Variants in TENM2 observed in about 807,000 individuals in gnomAD.
The protein encoded by TENM2 is teneurin transmembrane protein 2.
A neutral mutation model predicts 245.2 loss-of-function variants in TENM2; 52 were observed. The observed-to-expected ratio is 0.21, with a 90% CI of 0.17 to 0.27. The LOEUF (loss-of-function observed/expected upper bound fraction) is 0.27. Ranked by LOEUF, TENM2 falls within the 10% of genes least tolerant of loss-of-function variation. The pLI, the probability that TENM2 is intolerant of heterozygous loss-of-function variation, is 1.00. For missense variants in TENM2, 3,046 were observed against 3,666.8 expected (o/e 0.83, Z 4.37); for synonymous variants, 1,363 against 1,438.9 (o/e 0.95, Z 1.19).
At chr5:167,219,909 A>G in the TENM2 span, among the ~76,000 whole-genome samples, 4 of 152,238 alleles carry the variant, frequency 2.6e-5, no homozygotes, top group Non-Finnish European at 5.9e-5. Context: ...AAGACTTTCA[A>G]TAATATTTAA....
At chr5:168,128,464 C>A (rs1796012129) in intron 12 of TENM2, among the ~76,000 whole-genome samples, 2 of 152,234 alleles carry the variant, frequency 1.3e-5, no homozygotes, top group South Asian at 4.1e-4. Context: ...TCTTGCCAAT[C>A]ATCAGCGTTG....
At chr5:167,897,890 GTTT>G (rs35680049) in intron 3 of TENM2, among the ~76,000 whole-genome samples, 18 of 89,248 alleles carry the variant, frequency 2.0e-4, no homozygotes, top group Admixed American at 5.3e-4. Flanking sequence ...GTAGTAAATT[GTTT>G]TTTTTTTTTT....
At chr5:167,714,031 A>C (rs1759088127) in intron 2 of TENM2, among the ~76,000 whole-genome samples, 1 of 152,144 alleles carries the variant, frequency 6.6e-6, no homozygotes, top group South Asian at 2.1e-4. Flanking sequence ...ACATCAAATC[A>C]CTGAAGCTTA....
intron 3 of TENM2, among the ~76,000 whole-genome samples, chr5:167,899,548 A>G (rs1211630888): frequency 6.6e-6 from 1 of 152,254 alleles, no homozygotes; most frequent in African/African-American, 2.4e-5. Context: ...ATGAGGTAAC[A>G]GAGATTTTAG....
At chr5:167,988,841 G>A (rs922029080) in intron 4 of TENM2, among the ~76,000 whole-genome samples, 5 of 152,210 alleles carry the variant, frequency 3.3e-5, no homozygotes, top group Non-Finnish European at 5.9e-5. Context: ...AGAAGAAAGT[G>A]TAGAAAATGG....
chr5:167,340,611 G>A (rs921263976), intron 1 of TENM2, among the ~76,000 whole-genome samples: 1 of 152,082 alleles, frequency 6.6e-6, no homozygotes, highest in Admixed American at 6.5e-5. Flanking sequence ...TTAAAGGCCC[G>A]CTCTCCAATA....
chr5:167,847,960 G>A, intron 2 of TENM2, among the ~76,000 whole-genome samples: 1 of 152,082 alleles, frequency 6.6e-6, no homozygotes, highest in Non-Finnish European at 1.5e-5. Context: ...TTAGATTTCA[G>A]TTTGGGTAAT....
intron 17 of TENM2, 74 bp downstream of exon 19, chr5:168,200,205 T>A: frequency 7.3e-7 from 1 of 1,375,198 alleles, no homozygotes; most frequent in Non-Finnish European, 1.0e-6. Flanking sequence ...TTTATTGAGT[T>A]CCGAGGATAT....
At position 167,396,142 on chromosome 5, in the gene TENM2, A is replaced by C. The variant is rs568521318; in HGVS notation, c.502+20669A>C. ...CAAAAGAATTAAAATCAGAATCTCAAAGGGATAGATGCACCCCCAAAGTCA... is the reference window on the plus strand; with the variant it reads ...CAAAAGAATTAAAATCAGAATCTCACAGGGATAGATGCACCCCCAAAGTCA... On this transcript the variant is annotated intron_variant, in intron 2 of 28. Transcript: ENST00000518659. Among the ~76,000 whole-genome samples the C allele has an allele frequency of 5.9e-5, 9 of 152,288 alleles. No individual in the cohort carries two copies. The East Asian group carries it at 1.7e-3, about 29-fold the overall frequency.
At chr5:166,992,211 A>G in the TENM2 span, among the ~76,000 whole-genome samples, 42 of 152,194 alleles carry the variant, frequency 2.8e-4, no homozygotes, top group Non-Finnish European at 5.6e-4. Context: ...AGAGACCATA[A>G]GAAGGAATAT....
chr5:167,160,293 G>A, the TENM2 span, among the ~76,000 whole-genome samples: 13 of 152,206 alleles, frequency 8.5e-5, no homozygotes, highest in Non-Finnish European at 8.8e-5. Flanking sequence ...ACTCCTTTGC[G>A]TGGATTCTGG....
chr5:168,198,640 G>A (rs894484357), intron 15 of TENM2, among the ~76,000 whole-genome samples: 1 of 152,200 alleles, frequency 6.6e-6, no homozygotes, highest in African/African-American at 2.4e-5. Flanking sequence ...TACAGATGAA[G>A]AAACTTGGGC....
At chr5:167,643,113 G>A (rs1309210834) in intron 2 of TENM2, among the ~76,000 whole-genome samples, 1 of 152,162 alleles carries the variant, frequency 6.6e-6, no homozygotes, top group Non-Finnish European at 1.5e-5. Context: ...CAGTTTTATA[G>A]AGGTATATTT....
At chr5:167,706,732 C>T (rs576403086) in intron 2 of TENM2, among the ~76,000 whole-genome samples, 22 of 151,866 alleles carry the variant, frequency 1.4e-4, no homozygotes, top group Non-Finnish European at 2.5e-4. Flanking sequence ...AAGGGTTGCC[C>T]GGCCGGGCGC....
At chr5:167,451,423 T>A (rs1288385149) in intron 2 of TENM2, among the ~76,000 whole-genome samples, 1 of 152,214 alleles carries the variant, frequency 6.6e-6, no homozygotes, top group African/African-American at 2.4e-5. Flanking sequence ...GCTTTCAGAA[T>A]GTTCTTCTAC....
the TENM2 span, among the ~76,000 whole-genome samples, chr5:167,117,200 TA>T: frequency 6.6e-6 from 1 of 152,302 alleles, no homozygotes; most frequent in South Asian, 2.1e-4. Context: ...CCTTTCCTCA[TA>T]GGGGTTAAGA....
chr5:167,203,167 A>G, the TENM2 span, among the ~76,000 whole-genome samples: 12 of 152,226 alleles, frequency 7.9e-5, no homozygotes, highest in African/African-American at 1.4e-4. Context: ...TCATTTCTCT[A>G]CTTGAAATCT....
chr5:167,100,184 A>T, the TENM2 span, among the ~76,000 whole-genome samples: 1 of 152,162 alleles, frequency 6.6e-6, no homozygotes, highest in Non-Finnish European at 1.5e-5. Context: ...TGGCAATGAG[A>T]GGGCTTTAAT....
chr5:167,794,550 T>C (rs1030225763), intron 2 of TENM2, among the ~76,000 whole-genome samples: 1 of 152,200 alleles, frequency 6.6e-6, no homozygotes, highest in Non-Finnish European at 1.5e-5. Flanking sequence ...TTAATGTGGG[T>C]GTATATGACA....
Sources: allele counts gnomAD v4.1 joint callset (sites outside exome capture counted in the v4.1 genomes callset), GRCh38; gene constraint gnomAD v4.1.1; transcripts MANE v1.5; gene names NCBI Gene and HGNC (gene_info 2026-07-23, HGNC 2026-07-21).